Variants in FGF14 observed in about 807,000 individuals in gnomAD.
FGF14 encodes the protein fibroblast growth factor homologous factor 4.
A neutral mutation model predicts 25.5 loss-of-function variants in FGF14; 5 were observed. That is an observed-to-expected ratio of 0.20 (90% CI 0.10 to 0.41). The LOEUF (loss-of-function observed/expected upper bound fraction) is 0.41, where lower values mean the gene tolerates loss of function less well. FGF14 is among the 10% of genes least tolerant of loss of function. FGF14 has a pLI of 1.00. For missense variants in FGF14, 222 were observed against 320.1 expected (o/e 0.69, Z 2.34); for synonymous variants, 138 against 118.3 (o/e 1.17, Z -1.08).
At chr13:102,155,836 G>A (rs1375924006) in intron 1 of FGF14, among the ~76,000 whole-genome samples, 21 of 151,714 alleles carry the variant, frequency 1.4e-4, no homozygotes, top group African/African-American at 4.4e-4. Flanking sequence ...TATCACCACC[G>A]ATCCCACAGA....
intron 1 of FGF14, chr13:102,393,758 C>T (rs2058492706): frequency 6.6e-6 from 1 of 152,348 alleles, no homozygotes; most frequent in East Asian, 1.9e-4. Flanking sequence ...AAGCTTCTAC[C>T]TGTGTTTGTG....
chr13:101,938,977 C>T (rs913170123), intron 1 of FGF14, among the ~76,000 whole-genome samples: 2 of 152,186 alleles, frequency 1.3e-5, no homozygotes, highest in African/African-American at 4.8e-5. Flanking sequence ...GGGATGAGCA[C>T]TGATGGCCAG....
At chr13:101,851,019 G>C (rs2043818929) in intron 3 of FGF14, among the ~76,000 whole-genome samples, 1 of 152,024 alleles carries the variant, frequency 6.6e-6, no homozygotes, top group Admixed American at 6.6e-5. Context: ...CTAACTGCTA[G>C]TAGCTATGAA....
intron 1 of FGF14, among the ~76,000 whole-genome samples, chr13:101,893,111 A>G (rs955714360): frequency 3.9e-5 from 6 of 152,146 alleles, no homozygotes; most frequent in African/African-American, 1.4e-4. Flanking sequence ...CAAGGACTTA[A>G]TTGTGAGAGT....
At chr13:102,047,147 AC>A (rs1261251207) in intron 1 of FGF14, among the ~76,000 whole-genome samples, 3 of 152,186 alleles carry the variant, frequency 2.0e-5, no homozygotes, top group African/African-American at 7.2e-5. Context: ...AGATAAGAGA[AC>A]AAAATATTTA....
At chr13:102,006,703 AAT>A (rs2039806654) in intron 1 of FGF14, among the ~76,000 whole-genome samples, 1 of 150,112 alleles carries the variant, frequency 6.7e-6, no homozygotes, top group Non-Finnish European at 1.5e-5. Flanking sequence ...CAAGGACTGA[AAT>A]ATGAGTCACA....
chr13:101,774,509 C>T (rs192747735), intron 3 of FGF14, among the ~76,000 whole-genome samples: 16 of 152,152 alleles, frequency 1.1e-4, no homozygotes, highest in Admixed American at 5.9e-4. Context: ...GTATTTAATA[C>T]GGCCAGAGGA....
At chr13:102,112,310 C>T (rs998924372) in intron 1 of FGF14, among the ~76,000 whole-genome samples, 1 of 152,144 alleles carries the variant, frequency 6.6e-6, no homozygotes, top group African/African-American at 2.4e-5. Flanking sequence ...CATGAATCTA[C>T]GCAGGTGGGG....
chr13:102,220,752 T>C (rs1168769265), intron 1 of FGF14, among the ~76,000 whole-genome samples: 2 of 152,244 alleles, frequency 1.3e-5, no homozygotes. Context: ...CATTTACTAA[T>C]GTGCTCCTTA....
chr13:101,876,038 G>C (rs1333444182), intron 1 of FGF14, among the ~76,000 whole-genome samples: 2 of 152,036 alleles, frequency 1.3e-5, no homozygotes, highest in Non-Finnish European at 1.5e-5. Context: ...AAAAAGGACA[G>C]TCAAGTTATA....
chr13:101,773,331 G>T (rs536159223), intron 3 of FGF14, among the ~76,000 whole-genome samples: 7 of 152,132 alleles, frequency 4.6e-5, no homozygotes, highest in Non-Finnish European at 7.4e-5. Flanking sequence ...TCTGCCCAAG[G>T]TCACTTAGCT....
intron 1 of FGF14, among the ~76,000 whole-genome samples, chr13:102,069,596 G>A (rs1261259052): frequency 6.6e-6 from 1 of 151,938 alleles, no homozygotes; most frequent in African/African-American, 2.4e-5. Flanking sequence ...CCACCGGGAG[G>A]AACGAACAAC....
intron 1 of FGF14, among the ~76,000 whole-genome samples, chr13:102,357,933 T>TA (rs2139019614): frequency 1.3e-5 from 2 of 152,216 alleles, no homozygotes; most frequent in South Asian, 4.2e-4. Context: ...TACCAGCAGT[T>TA]ACACACCAAA....
At chr13:101,854,609 C>T (rs186965871) in intron 3 of FGF14, among the ~76,000 whole-genome samples, 28 of 152,160 alleles carry the variant, frequency 1.8e-4, no homozygotes, top group Admixed American at 1.0e-3. Context: ...TCTTGGAAAG[C>T]ATTTCAAATG....
At chr13:101,795,224 T>C (rs534247346) in intron 3 of FGF14, among the ~76,000 whole-genome samples, 4 of 152,232 alleles carry the variant, frequency 2.6e-5, no homozygotes, top group African/African-American at 9.6e-5. Context: ...GCTTTATTTA[T>C]AGAAATAGGG....
chr13:101,892,972 C>A (rs993542381), intron 1 of FGF14, among the ~76,000 whole-genome samples: 2 of 152,094 alleles, frequency 1.3e-5, no homozygotes, highest in Non-Finnish European at 2.9e-5. Context: ...CAGGCAGTGG[C>A]AAGATCATAC....
chr13:101,769,136 A>G (rs1283823977), intron 3 of FGF14, among the ~76,000 whole-genome samples: 2 of 152,194 alleles, frequency 1.3e-5, no homozygotes, highest in Admixed American at 6.5e-5. Flanking sequence ...TGATTTAAAA[A>G]TGGACCAAAG....
intron 1 of FGF14, among the ~76,000 whole-genome samples, chr13:102,160,403 C>A (rs1452676253): frequency 6.6e-6 from 1 of 152,172 alleles, no homozygotes; most frequent in Non-Finnish European, 1.5e-5. Context: ...ATCAAACCAC[C>A]TGTGGCAGGA....
chr13:101,901,750 A>C (rs1208182458), intron 1 of FGF14, among the ~76,000 whole-genome samples: 1 of 152,030 alleles, frequency 6.6e-6, no homozygotes, highest in Non-Finnish European at 1.5e-5. Flanking sequence ...TAATCAAACA[A>C]ACAGATACGC....
Sources: gnomAD v4.1 joint callset for allele counts (sites outside exome capture counted in the v4.1 genomes callset) on GRCh38, gnomAD v4.1.1 for gene constraint, MANE v1.5 for transcripts, NCBI Gene and HGNC (gene_info 2026-07-23, HGNC 2026-07-21) for gene names.